Variants in SLC22A8 observed in about 807,000 individuals in gnomAD.
The protein encoded by SLC22A8 is solute carrier family 22 member 8.
In SLC22A8, 40 loss-of-function variants were observed where a neutral mutation model predicts 48.4. The ratio of observed to expected loss-of-function variants is 0.83; its 90% CI spans 0.64 to 1.08. The LOEUF (loss-of-function observed/expected upper bound fraction) is 1.08. Among genes scored for constraint, SLC22A8 ranks in the 50% least tolerant of loss-of-function variants. The pLI is 0.00. For missense variants in SLC22A8, 606 were observed against 699.0 expected (o/e 0.87, Z 1.50); for synonymous variants, 268 against 286.3 (o/e 0.94, Z 0.65).
Position 62,999,049 on chromosome 11 carries a change from C to T in SLC22A8, c.633G>A (p.Ser211=), listed in dbSNP as rs540655856. The change falls in exon 5 of 11, where the codon TCG becomes TCA. Residue 211 remains serine (S), a synonymous_variant. Coordinates refer to ENST00000336232, the MANE Select transcript of SLC22A8 (RefSeq NM_004254.4). ...AGGTGTAGCAGTACCCGAGTGCTGT[C>T]GACATGATGGCCCGCATCCGGGTAG... is the stretch of plus-strand genomic sequence containing the variant. ...WVPTRMRAIM[S]TALGYCYTFG... 4.1e-5 allele frequency: 66 copies of T among 1,614,012 alleles called. No homozygotes were observed. In the Admixed American group the frequency reaches 6.8e-4, roughly 17 times the overall value.
intron 2 of SLC22A8, among the ~76,000 whole-genome samples, chr11:63,009,286 G>A (rs1429845812): frequency 1.3e-5 from 2 of 152,110 alleles, no homozygotes; most frequent in Non-Finnish European, 2.9e-5. Flanking sequence ...TCCCAGGGTG[G>A]AAGTCTGCTC....
At chr11:62,998,828 G>T in intron 5 of SLC22A8, 93 bp downstream of exon 5, 1 of 1,129,252 alleles carries the variant, frequency 8.9e-7, no homozygotes, top group South Asian at 1.5e-5. Flanking sequence ...GGGTGCCCGG[G>T]GACACAGAGT....
chr11:63,014,520 C>G, intron 2 of SLC22A8, 106 bp downstream of exon 2: 1 of 1,017,426 alleles, frequency 9.8e-7, no homozygotes, highest in Non-Finnish European at 1.5e-6. Flanking sequence ...GTGACCTGTC[C>G]TCAGTTCCTG....
Position 62,999,694 on chromosome 11 carries a change from T to G in SLC22A8, c.586A>C (p.Ile196Leu), listed in dbSNP as rs765763883. The change falls in exon 4 of 11, where the codon ATC becomes CTC. Residue 196 changes from isoleucine to leucine, a missense_variant. Transcript: ENST00000336232. Reference protein sequence around the residue: ...GISGITLSTVILNVEWVPTRM... With the variant: ...GISGITLSTVLLNVEWVPTRM... ...ATGCCCCACTGCAGCTCACTCAAGA[T>G]GACGGTGCTCAGGGTAATGCCTGAG... 13 of 1,570,318 alleles carry G rather than the reference T, an allele frequency of 8.3e-6. No homozygotes were observed. The South Asian group carries it at 1.5e-4, about 19-fold the overall frequency.
chr11:62,996,381 GC>G (rs2086420835), intron 5 of SLC22A8, among the ~76,000 whole-genome samples: 1 of 152,222 alleles, frequency 6.6e-6, no homozygotes. Flanking sequence ...ACTTTCCTCT[GC>G]CCCCGACCTG....
chr11:63,004,606 C>T (rs1451272323), intron 2 of SLC22A8, among the ~76,000 whole-genome samples: 1 of 152,226 alleles, frequency 6.6e-6, no homozygotes, highest in Admixed American at 6.5e-5. Context: ...GCCTATACCT[C>T]TCTACCCTAC....
intron 5 of SLC22A8, among the ~76,000 whole-genome samples, chr11:62,998,100 C>A (rs944720816): frequency 6.6e-6 from 1 of 152,080 alleles, no homozygotes; most frequent in African/African-American, 2.4e-5. Context: ...TACAGGCATG[C>A]GCCACCATGC....
At chr11:63,014,415 G>A (rs772242056) in intron 2 of SLC22A8, among the ~76,000 whole-genome samples, 6 of 152,200 alleles carry the variant, frequency 3.9e-5, no homozygotes, top group Admixed American at 6.5e-5. Flanking sequence ...CTCAGTAGCA[G>A]TTTGTTGAAG....
chr11:63,006,595 G>GGTTTTTTTTTT (rs2086557104), intron 2 of SLC22A8, among the ~76,000 whole-genome samples: 1 of 51,400 alleles, frequency 1.9e-5, no homozygotes, highest in African/African-American at 8.0e-5. Context: ...TCTCATTTGA[G>GGTTTTTTTTTT]TTTTTTTTTT....
Position 62,993,607 on chromosome 11 carries a change from CTTA to C in SLC22A8, c.1343_1345del (p.Val448_Ser449delinsGly). ...GCTTCCCACGCGGGTCCACAGGTTA[CTTA>C]CGCCCATACCTGTTTGCCTGCGAGG... On this transcript the variant is annotated inframe_deletion, in exon 10 of 11. Coordinates refer to ENST00000336232, the MANE Select transcript of SLC22A8 (RefSeq NM_004254.4). 6.2e-7 allele frequency: 1 copy of C among 1,610,718 alleles called. No homozygotes were observed. Among genetic ancestry groups the C allele is most frequent in the Non-Finnish European group, 8.5e-7 (1 of 1,177,382 alleles).
At position 63,014,672 on chromosome 11, in the gene SLC22A8, A is replaced by G. The variant is rs2086654346; in HGVS notation, c.287T>C (p.Leu96Pro). ...NDTQRAMEPC[L>P]DGWVYNSTKD... ...GGTGCTGTTGTAGACCCAGCCATCC[A>G]GGCATGGCTCCATGGCCCTCTGGGT... The change falls in exon 2 of 11, where the codon CTG (leucine) becomes CCG (proline). Residue 96 changes from leucine to proline, a missense_variant. Coordinates refer to ENST00000336232, the MANE Select transcript of SLC22A8 (RefSeq NM_004254.4). 6.2e-7 allele frequency: 1 copy of G among 1,611,466 alleles called. No homozygotes were observed. Among genetic ancestry groups the G allele is most frequent in the Admixed American group, 1.7e-5 (1 of 59,882 alleles).
intron 8 of SLC22A8, 155 bp downstream of exon 8, chr11:62,994,387 G>A: frequency 1.6e-6 from 1 of 625,048 alleles, no homozygotes. Flanking sequence ...TAGCCCAATT[G>A]CGTTATTTTC....
intron 5 of SLC22A8, among the ~76,000 whole-genome samples, chr11:62,996,387 G>A (rs1380472547): frequency 2.6e-5 from 4 of 152,202 alleles, no homozygotes; most frequent in South Asian, 2.1e-4. Context: ...CTCTGCCCCC[G>A]ACCTGGGCCA....
intron 5 of SLC22A8, among the ~76,000 whole-genome samples, chr11:62,997,543 C>T (rs2086437464): frequency 6.6e-6 from 1 of 152,136 alleles, no homozygotes; most frequent in Non-Finnish European, 1.5e-5. Flanking sequence ...TCTTGATGCT[C>T]AGAGGGCATG....
chr11:63,014,482 A>C, intron 2 of SLC22A8, 144 bp downstream of exon 2: 1 of 682,374 alleles, frequency 1.5e-6, no homozygotes, highest in Non-Finnish European at 2.5e-6. Context: ...GAGCTTCTGC[A>C]CTCAGGTCCT....
chr11:63,007,471 AC>A lies in SLC22A8; in HGVS notation c.334-6649del, dbSNP rs951773095. On this transcript the variant is annotated intron_variant, in intron 2 of 10. Transcript: ENST00000336232. Reference sequence around the variant, plus strand: ...CTCCGGAGTAGCTGGGACTACAGGCACCCACCACCATGCCTGGCTAATTTTT... The same window carrying A: ...CTCCGGAGTAGCTGGGACTACAGGCACCACCACCATGCCTGGCTAATTTTT... Among the ~76,000 whole-genome samples, 7 of 151,982 alleles carry A rather than the reference AC, an allele frequency of 4.6e-5. No individual in the cohort carries two copies. The East Asian group carries it at 1.3e-3, about 29-fold the overall frequency.
Position 62,995,809 on chromosome 11 carries a change from AGTT to A in SLC22A8, c.893_895del (p.Lys298_Leu299delinsIle). On this transcript the variant is annotated inframe_deletion, in exon 7 of 11. Coordinates refer to ENST00000336232, the MANE Select transcript of SLC22A8 (RefSeq NM_004254.4). ...CAAGGAGATCTCCTTCTGCAGGTTG[AGTT>A]TGAGCTCCTTCGGGCAGAGGAGGGG... is the stretch of plus-strand genomic sequence containing the variant. The A allele has an allele frequency of 1.2e-6, 2 of 1,613,682 alleles. No individual in the cohort carries two copies. Among genetic ancestry groups the A allele is most frequent in the Non-Finnish European group, 1.7e-6 (2 of 1,179,590 alleles).
intron 5 of SLC22A8, among the ~76,000 whole-genome samples, chr11:62,997,860 G>A (rs2086441658): frequency 6.6e-6 from 1 of 152,318 alleles, no homozygotes; most frequent in Non-Finnish European, 1.5e-5. Context: ...TGCCCAAAAC[G>A]GGCTGTGCAC....
At chr11:63,004,257 A>T (rs1481377983) in intron 2 of SLC22A8, among the ~76,000 whole-genome samples, 1 of 152,214 alleles carries the variant, frequency 6.6e-6, no homozygotes, top group African/African-American at 2.4e-5. Context: ...AGAAAATATC[A>T]TTCCTGGAAT....
Sources: allele counts gnomAD v4.1 joint callset (sites outside exome capture counted in the v4.1 genomes callset), GRCh38; gene constraint gnomAD v4.1.1; transcripts MANE v1.5; gene names NCBI Gene and HGNC (gene_info 2026-07-23, HGNC 2026-07-21).